ZNF827: variants seen among roughly 807,000 people sequenced by gnomAD.
ZNF827 encodes zinc finger protein 827.
Under a neutral mutation model 102.4 loss-of-function variants are expected in ZNF827, and 13 were observed. The ratio of observed to expected loss-of-function variants is 0.13; its 90% confidence interval spans 0.08 to 0.20. The LOEUF is 0.20. Among genes scored for constraint, ZNF827 ranks in the 10% least tolerant of loss-of-function variants. The probability of loss-of-function intolerance (pLI) is 1.00; values close to 1 mark genes in which losing one functional copy is unlikely to be tolerated. For missense variants in ZNF827, 1,103 were observed against 1,344.4 expected (o/e 0.82, Z 2.81); for synonymous variants, 523 against 536.2 (o/e 0.98, Z 0.34).
At chr4:145,839,517 A>G (rs1186463287) in intron 7 of ZNF827, 1 of 152,286 alleles carries the variant, frequency 6.6e-6, no homozygotes, top group Non-Finnish European at 1.5e-5. Flanking sequence ...TGTGGAAGTT[A>G]CAGACGATGC....
chr4:145,894,212 G>A (rs1474159816), intron 2 of ZNF827, among the ~76,000 whole-genome samples: 2 of 152,144 alleles, frequency 1.3e-5, no homozygotes, highest in Non-Finnish European at 2.9e-5. Flanking sequence ...AAAAAATAAA[G>A]GGAGGGAGTG....
chr4:145,840,035 T>C (rs187386461), intron 7 of ZNF827, among the ~76,000 whole-genome samples: 1 of 152,126 alleles, frequency 6.6e-6, no homozygotes, highest in African/African-American at 2.4e-5. Flanking sequence ...TATAGGACAA[T>C]GGAGTAGAGG....
At chr4:145,921,188 A>G (rs1221249722) in intron 1 of ZNF827, among the ~76,000 whole-genome samples, 1 of 152,192 alleles carries the variant, frequency 6.6e-6, no homozygotes, top group Non-Finnish European at 1.5e-5. Context: ...ATACGCCAAG[A>G]AAAGGAGGTA....
At chr4:145,883,425 A>G (rs1231242881) in intron 4 of ZNF827, among the ~76,000 whole-genome samples, 1 of 152,222 alleles carries the variant, frequency 6.6e-6, no homozygotes, top group Non-Finnish European at 1.5e-5. Context: ...ACAGATCACA[A>G]TATAAGGCTT....
intron 1 of ZNF827, among the ~76,000 whole-genome samples, chr4:145,931,224 A>C (rs979600130): frequency 6.6e-6 from 1 of 152,236 alleles, no homozygotes; most frequent in Non-Finnish European, 1.5e-5. Flanking sequence ...ATAAAATATG[A>C]TAGAAGACAT....
chr4:145,854,910 C>T (rs959334922), intron 5 of ZNF827, among the ~76,000 whole-genome samples: 3 of 151,020 alleles, frequency 2.0e-5, no homozygotes, highest in African/African-American at 7.3e-5. Context: ...AGATTCATTT[C>T]CCCTCTGCAC....
intron 7 of ZNF827, among the ~76,000 whole-genome samples, chr4:145,824,479 G>A (rs1560965124): frequency 6.6e-6 from 1 of 152,200 alleles, no homozygotes; most frequent in African/African-American, 2.4e-5. Context: ...ACACAGCCCA[G>A]AGATAGGAAG....
At chr4:145,776,579 ATATTCTGTGAGT>A (rs900423295) in intron 9 of ZNF827, among the ~76,000 whole-genome samples, 3 of 152,016 alleles carry the variant, frequency 2.0e-5, no homozygotes, top group Non-Finnish European at 4.4e-5. Flanking sequence ...GGGCAAAAGA[ATATTCTGTGAGT>A]GAGCAAGTGT....
At chr4:145,891,776 C>A (rs1168991125) in intron 3 of ZNF827, among the ~76,000 whole-genome samples, 1 of 152,130 alleles carries the variant, frequency 6.6e-6, no homozygotes, top group Non-Finnish European at 1.5e-5. Flanking sequence ...TCTGTGTGTT[C>A]CTCTTAGTTT....
rs1233793032 is a variant in ZNF827, at chr4:145,765,854, T to G, written c.2861-116A>C. The G allele has an allele frequency of 9.5e-7, 1 of 1,057,746 alleles. No homozygotes were observed. Among genetic ancestry groups the G allele is most frequent in the Non-Finnish European group, 1.3e-6 (1 of 747,746 alleles). The allele number at this position is 1,057,746 out of a possible 1,614,324, so 65.5% of individuals were successfully genotyped here. ...GCATCATCATTCTGGGGGCACAGGCTCATGTCCCCAGCTCCCCCACTGCTG... is the reference window on the plus strand; with the variant it reads ...GCATCATCATTCTGGGGGCACAGGCGCATGTCCCCAGCTCCCCCACTGCTG... On this transcript the variant is annotated intron_variant, in intron 11 of 14. Coordinates refer to ENST00000508784, the MANE Select transcript of ZNF827 (RefSeq NM_001306215.2). This position sits in a 1 kb window ranked among gnomAD's most constrained non-coding sequence, Gnocchi z 4.7.
intron 8 of ZNF827, among the ~76,000 whole-genome samples, chr4:145,781,704 G>A (rs1472821460): frequency 1.3e-5 from 2 of 152,214 alleles, no homozygotes; most frequent in African/African-American, 4.8e-5. Context: ...CTGTCCTTGA[G>A]TCCACGCAGT....
chr4:145,921,708 C>T (rs1277105038), intron 1 of ZNF827, among the ~76,000 whole-genome samples: 2 of 152,078 alleles, frequency 1.3e-5, no homozygotes, highest in African/African-American at 4.8e-5. Flanking sequence ...GGTTCATGGA[C>T]AATGAGGACA....
rs1005264607 is a variant in ZNF827 at position 145,765,902 on chromosome 4, C to A, written c.2861-164G>T. On this transcript the variant is annotated intron_variant, in intron 11 of 14. Coordinates refer to ENST00000508784, the MANE Select transcript of ZNF827 (RefSeq NM_001306215.2). The surrounding 1 kb of genome is among the most constrained non-coding windows in gnomAD (Gnocchi z 4.7). ...CTGGGGGATCCCAGGTCCTAAGGCA[C>A]CTACCTCCTTTGTGGTACTGGGGGC... is the stretch of plus-strand genomic sequence containing the variant. Among the ~76,000 whole-genome samples, 1 of 152,130 alleles carries A rather than the reference C, an allele frequency of 6.6e-6. No homozygotes were observed. Among genetic ancestry groups the A allele is most frequent in the Non-Finnish European group, 1.5e-5 (1 of 68,006 alleles).
chr4:145,892,553 C>T, intron 2 of ZNF827, 138 bp from the exon 3 acceptor site: 1 of 974,324 alleles, frequency 1.0e-6, no homozygotes, highest in Non-Finnish European at 1.4e-6. Flanking sequence ...GAGATTTTAT[C>T]CATAAGAAAG....
chr4:145,932,180 T>C (rs770258817), intron 1 of ZNF827, among the ~76,000 whole-genome samples: 1 of 152,208 alleles, frequency 6.6e-6, no homozygotes, highest in Non-Finnish European at 1.5e-5. Flanking sequence ...CTGTAGGCAA[T>C]ACATTTCTAC....
intron 8 of ZNF827, among the ~76,000 whole-genome samples, chr4:145,810,159 C>T (rs1192446338): frequency 3.3e-5 from 5 of 152,058 alleles, no homozygotes; most frequent in South Asian, 2.1e-4. Context: ...GCATGCCCAC[C>T]GTTTTACAAA....
At chr4:145,936,925 G>A (rs536683643) in intron 1 of ZNF827, among the ~76,000 whole-genome samples, 1 of 151,886 alleles carries the variant, frequency 6.6e-6, no homozygotes, top group African/African-American at 2.4e-5. Context: ...TGGGGGGAGA[G>A]AAGAGAAATT....
At chr4:145,796,823 G>T (rs1740435089) in intron 8 of ZNF827, among the ~76,000 whole-genome samples, 1 of 152,030 alleles carries the variant, frequency 6.6e-6, no homozygotes, top group Admixed American at 6.5e-5. Flanking sequence ...TAGAGATGGG[G>T]TTTCGCCATG....
chr4:145,864,143 A>G (rs55741325), intron 5 of ZNF827, among the ~76,000 whole-genome samples: 42,706 of 151,796 alleles, frequency 0.28, 6,303 homozygotes, highest in African/African-American at 0.31. Context: ...TCCAGCCTGC[A>G]CAACAGGGTG....
Sources: gnomAD v4.1 joint callset for allele counts (sites outside exome capture counted in the v4.1 genomes callset) on GRCh38, gnomAD v4.1.1 for gene constraint, Gnocchi (gnomAD v3.1) non-coding constraint, MANE v1.5 for transcripts, NCBI Gene and HGNC (gene_info 2026-07-23, HGNC 2026-07-21) for gene names.